Variants in HEATR1 observed in about 807,000 individuals in gnomAD.
The protein encoded by HEATR1 is HEAT repeat-containing protein 1.
A neutral mutation model predicts 248.2 loss-of-function variants in HEATR1; 77 were observed. That is an observed-to-expected ratio of 0.31 (90% CI 0.26 to 0.37). The LOEUF is 0.37. HEATR1 is among the 10% of genes least tolerant of loss of function. The pLI, the probability that HEATR1 is intolerant of heterozygous loss-of-function variation, is 1.00. For missense variants in HEATR1, 2,420 were observed against 2,504.9 expected (o/e 0.97, Z 0.72); for synonymous variants, 897 against 923.1 (o/e 0.97, Z 0.51).
At chr1:236,593,584 G>GA (rs534009257) in intron 9 of HEATR1, among the ~76,000 whole-genome samples, 5,035 of 90,182 alleles carry the variant, frequency 0.056, 248 homozygotes, top group African/African-American at 0.16. Context: ...CCCATTAAGA[G>GA]AAAAAAAAAA....
intron 44 of HEATR1, 69 bp downstream of exon 44, chr1:236,551,930 C>T: frequency 9.9e-7 from 1 of 1,014,652 alleles, no homozygotes; most frequent in Non-Finnish European, 1.5e-6. Flanking sequence ...TATCATTGGG[C>T]ACATTTTCAC....
At position 236,595,676 on chromosome 1, in the gene HEATR1, T is replaced by C. The variant is rs751907099; in HGVS notation, c.957-3A>G. ...CATTACATAAGTGAGGGAATGGCCT[T>C]TGAAGAAGCAAAAGTACATATCGTG... On this transcript the variant is annotated splice_region_variant and splice_polypyrimidine_tract_variant and intron_variant, in intron 7 of 44. Transcript: ENST00000366582. 6.2e-7 allele frequency: 1 copy of C among 1,610,142 alleles called. No individual in the cohort carries two copies. Among genetic ancestry groups the C allele is most frequent in the Non-Finnish European group, 8.5e-7 (1 of 1,177,868 alleles).
rs150020836 is a variant in HEATR1, at chr1:236,559,780, G to A, written c.4704C>T (p.Asn1568=). The change falls in exon 34 of 45, where the codon AAC becomes AAT. Residue 1568 remains asparagine, a synonymous_variant. Coordinates refer to ENST00000366582, the MANE Select transcript of HEATR1 (RefSeq NM_018072.6). ...AGAACTTCACGGTGAGTTTGTCTGC[G>A]TTCCTTTCCATGGACTGTGCAACTG... is the stretch of plus-strand genomic sequence containing the variant. ...ISAVAQSMER[N]ADKLTVKFWR... is the part of the protein sequence containing the mutation. 2.2e-4 allele frequency: 351 copies of A among 1,614,042 alleles called. 2 individuals are homozygous for A. In the African/African-American group the frequency reaches 3.8e-3, roughly 18 times the overall value.
intron 20 of HEATR1, among the ~76,000 whole-genome samples, chr1:236,578,351 C>T (rs1663621585): frequency 1.3e-5 from 2 of 152,194 alleles, no homozygotes; most frequent in Non-Finnish European, 2.9e-5. Context: ...TGAAACTTGT[C>T]TATTTCTGCC....
chr1:236,563,156 G>A (rs1663176827), intron 32 of HEATR1, among the ~76,000 whole-genome samples: 1 of 152,152 alleles, frequency 6.6e-6, no homozygotes, highest in Non-Finnish European at 1.5e-5. Flanking sequence ...GACTGTAGCA[G>A]GCACACCATT....
intron 13 of HEATR1, 30 bp from the exon 14 acceptor site, chr1:236,587,520 T>G (rs181636795): frequency 1.2e-5 from 14 of 1,124,360 alleles, no homozygotes; most frequent in African/African-American, 9.5e-5. Context: ...CAGAGTAGAT[T>G]TGTACTTGCT....
intron 12 of HEATR1, 22 bp downstream of exon 12, chr1:236,590,825 A>T: frequency 7.5e-7 from 1 of 1,340,066 alleles, no homozygotes; most frequent in South Asian, 1.7e-5. Flanking sequence ...AAAACCATAT[A>T]AAAAAGCGAT....
intron 5 of HEATR1, 66 bp downstream of exon 5, chr1:236,597,812 T>A (rs1198162367): frequency 8.1e-6 from 8 of 991,008 alleles, no homozygotes; most frequent in Non-Finnish European, 1.3e-5. Context: ...TGTTTTAGTA[T>A]GTTTTCTTCA....
chr1:236,553,206 T>C (rs961710076), intron 43 of HEATR1, among the ~76,000 whole-genome samples: 1 of 152,212 alleles, frequency 6.6e-6, no homozygotes, highest in African/African-American at 2.4e-5. Context: ...CAAAAGACTA[T>C]AGTGTGGATA....
At chr1:236,595,471 C>T (rs1469210100) in intron 8 of HEATR1, 69 bp downstream of exon 8, 12 of 1,254,482 alleles carry the variant, frequency 9.6e-6, no homozygotes, top group Non-Finnish European at 1.3e-5. Flanking sequence ...AGCTGTTAAC[C>T]AGGATATGGT....
chr1:236,592,783 A>G (rs1664075172), intron 9 of HEATR1, 150 bp from the exon 10 acceptor site: 1 of 488,498 alleles, frequency 2.0e-6, no homozygotes, highest in South Asian at 2.8e-5. Flanking sequence ...TAAAGAAACT[A>G]GAGGCCTGGT....
Position 236,603,058 on chromosome 1 carries a change from T to A in HEATR1, c.359+102A>T, listed in dbSNP as rs114955837. ...TGGACATTGTATCAATCTCTTAATA[T>A]ACCTAATTTTTCAGCTTTAATTTGA... On this transcript the variant is annotated intron_variant, in intron 3 of 44. Coordinates refer to ENST00000366582, the MANE Select transcript of HEATR1 (RefSeq NM_018072.6). 8 of 768,736 alleles carry A rather than the reference T, an allele frequency of 1.0e-5. No homozygotes were observed. In the East Asian group the frequency reaches 1.8e-4, roughly 17 times the overall value. The allele number at this position is 768,736 out of a possible 1,614,324, so 47.6% of individuals were successfully genotyped here.
rs1663076844 is a variant in HEATR1 at position 236,559,846 on chromosome 1, C to CA, written c.4647-10dup. The CA allele has an allele frequency of 1.9e-6, 3 of 1,594,636 alleles. No homozygotes were observed. The highest frequency in any genetic ancestry group is 2.6e-6 in the Non-Finnish European group (3 of 1,166,124). On this transcript the variant is annotated splice_polypyrimidine_tract_variant and intron_variant, in intron 33 of 44. Transcript: ENST00000366582. ...GAACGGTCTCCAGCAACCTGAAACA[C>CA]AGAGGCTCGCTCAGCAAACGGCAGC... is the stretch of plus-strand genomic sequence containing the variant.
chr1:236,556,350 G>T, intron 37 of HEATR1, 92 bp from the exon 38 acceptor site: 2 of 1,319,994 alleles, frequency 1.5e-6, no homozygotes, highest in Non-Finnish European at 2.1e-6. Flanking sequence ...AGGTACTAGT[G>T]TTTGGAAAAT....
intron 20 of HEATR1, among the ~76,000 whole-genome samples, chr1:236,579,691 A>C (rs914453566): frequency 2.6e-5 from 4 of 152,152 alleles, no homozygotes; most frequent in Non-Finnish European, 5.9e-5. Context: ...AAACTCACCT[A>C]AAATAAAGAC....
chr1:236,553,660 G>A lies in HEATR1; in HGVS notation c.6158C>T (p.Ser2053Leu), dbSNP rs904429521. The change falls in exon 43 of 45, where the codon TCG becomes TTG. Residue 2053 changes from serine (S) to leucine (L), a missense_variant. Transcript: ENST00000366582. ...AAGAGAGTCATCCGCCATGGCCACC[G>A]AAAACTGTGCGATGCATGGTATCAG... Reference protein sequence around the residue: ...KHLIPCIAQFSVAMADDSLWK... With the variant: ...KHLIPCIAQFLVAMADDSLWK... 4.3e-6 allele frequency: 7 copies of A among 1,614,038 alleles called. No homozygotes were observed. Among genetic ancestry groups the A allele is most frequent in the East Asian group, 2.2e-5 (1 of 44,876 alleles).
chr1:236,579,534 T>C (rs772042792), intron 20 of HEATR1, among the ~76,000 whole-genome samples: 2 of 152,208 alleles, frequency 1.3e-5, no homozygotes, highest in Admixed American at 6.5e-5. Context: ...GCTATCTCCA[T>C]ACAATGGAAT....
At chr1:236,588,150 C>A in intron 12 of HEATR1, 107 bp from the exon 13 acceptor site, 1 of 720,282 alleles carries the variant, frequency 1.4e-6, no homozygotes, top group South Asian at 2.1e-5. Flanking sequence ...GAATGACAGT[C>A]TAACACAGGC....
At chr1:236,588,143 T>A in intron 12 of HEATR1, 100 bp from the exon 13 acceptor site, 1 of 810,080 alleles carries the variant, frequency 1.2e-6, no homozygotes, top group South Asian at 1.8e-5. Flanking sequence ...CACTCCAGAA[T>A]GACAGTCTAA....
Sources: allele counts gnomAD v4.1 joint callset (sites outside exome capture counted in the v4.1 genomes callset), GRCh38; gene constraint gnomAD v4.1.1; transcripts MANE v1.5; gene names NCBI Gene and HGNC (gene_info 2026-07-23, HGNC 2026-07-21).